The following APIP variants were observed in gnomAD, a reference collection of about 807,000 sequenced individuals.
APIP encodes APAF1 interacting protein.
Under a neutral mutation model 32.0 loss-of-function variants are expected in APIP, and 32 were observed. The ratio of observed to expected loss-of-function variants is 1.00; its 90% CI spans 0.76 to 1.34. APIP has a LOEUF of 1.34. APIP is among the 40% of genes most tolerant of loss of function. The pLI is 0.00. For missense variants in APIP, 247 were observed against 298.6 expected (o/e 0.83, Z 1.27); for synonymous variants, 92 against 94.8 (o/e 0.97, Z 0.17).
chr11:34,890,420 T>G (rs2303958), intron 3 of APIP, 84 bp downstream of exon 3: 482,735 of 1,305,040 alleles, frequency 0.37, 93,541 homozygotes, highest in East Asian at 0.73. Flanking sequence ...ATAAAATGAA[T>G]GTTTTCTCTT....
chr11:34,894,798 G>A (rs2986427), intron 2 of APIP, among the ~76,000 whole-genome samples: 54,146 of 152,042 alleles, frequency 0.36, 10,228 homozygotes, highest in East Asian at 0.74. Context: ...TTGAAATTGT[G>A]GATCTTCAGT....
intron 1 of APIP, among the ~76,000 whole-genome samples, chr11:34,897,997 T>C (rs1853306082): frequency 1.3e-5 from 2 of 152,084 alleles, no homozygotes; most frequent in Non-Finnish European, 2.9e-5. Flanking sequence ...GGAGCTTCTT[T>C]CTTCTTTCTT....
chr11:34,891,997 C>T (rs920637482), intron 2 of APIP, among the ~76,000 whole-genome samples: 1 of 152,166 alleles, frequency 6.6e-6, no homozygotes, highest in Middle Eastern at 3.4e-3. Context: ...AAATAAAGTA[C>T]AAAATGGTCT....
Position 34,894,936 on chromosome 11 carries a change from G to GA in APIP, c.158+73dup, listed in dbSNP as rs1853242549. ...AAAACTGATCATCAGTTGTTCTTTGGATATAACACATTAGACTTGCTGTGG... is the reference window on the plus strand; with the variant it reads ...AAAACTGATCATCAGTTGTTCTTTGGAATATAACACATTAGACTTGCTGTGG... On this transcript the variant is annotated intron_variant, in intron 2 of 6. Transcript: ENST00000395787. 5 of 1,283,144 alleles carry GA rather than the reference G, an allele frequency of 3.9e-6. No individual in the cohort carries two copies. In the South Asian group the frequency reaches 6.0e-5, roughly 15 times the overall value. The allele number at this position is 1,283,144 out of a possible 1,614,324, so 79.5% of individuals were successfully genotyped here. A position where few individuals can be genotyped will look rare whatever the true frequency, so the allele number is the denominator to read the frequency against.
chr11:34,885,304 T>C (rs1385400140), intron 5 of APIP, among the ~76,000 whole-genome samples: 1 of 150,452 alleles, frequency 6.6e-6, no homozygotes, highest in East Asian at 1.9e-4. Flanking sequence ...GGTATATATA[T>C]ACACATATAT....
chr11:34,904,525 T>C (rs1207267045), intron 1 of APIP, among the ~76,000 whole-genome samples: 1 of 152,216 alleles, frequency 6.6e-6, no homozygotes, highest in East Asian at 1.9e-4. Flanking sequence ...ACAGATGGCC[T>C]TTTCTTACCA....
At position 34,883,441 on chromosome 11, in the gene APIP, A is replaced by G. The variant is rs778697074; in HGVS notation, c.525T>C (p.Asp175=). 9 of 1,613,920 alleles carry G rather than the reference A, an allele frequency of 5.6e-6. No individual in the cohort carries two copies. The African/African-American group carries it at 8.0e-5, about 14-fold the overall frequency. Residue 175 remains aspartate (D), a synonymous_variant, in exon 6 of 7, where the codon GAT becomes GAC. Transcript: ENST00000395787. ...ENTPEEKDLK[D]RMAHAMNEYP... ...ATTCATTCATTGCATGAGCCATTCTATCTTTGAGGTCTTTCTCCTCAGGTG... is the reference window on the plus strand; with the variant it reads ...ATTCATTCATTGCATGAGCCATTCTGTCTTTGAGGTCTTTCTCCTCAGGTG...
intron 5 of APIP, among the ~76,000 whole-genome samples, chr11:34,885,458 CAA>C (rs1853051038): frequency 6.6e-6 from 1 of 151,982 alleles, no homozygotes; most frequent in Admixed American, 6.6e-5. Context: ...AAGATAAAAA[CAA>C]GAGAGTACGT....
chr11:34,914,885 T>A (rs1022772965), intron 1 of APIP, among the ~76,000 whole-genome samples: 2 of 150,522 alleles, frequency 1.3e-5, no homozygotes, highest in African/African-American at 4.9e-5. Flanking sequence ...GCGCCTGTAA[T>A]CCCAGCTACT....
chr11:34,888,945 C>T, intron 3 of APIP, 76 bp from the exon 4 acceptor site: 1 of 818,594 alleles, frequency 1.2e-6, no homozygotes, highest in Non-Finnish European at 1.8e-6. Flanking sequence ...TTCTTGTGTA[C>T]ATATACATAA....
chr11:34,897,454 T>G (rs1191635181), intron 1 of APIP, among the ~76,000 whole-genome samples: 2 of 152,192 alleles, frequency 1.3e-5, no homozygotes, highest in Non-Finnish European at 2.9e-5. Context: ...GAGCTGAAAA[T>G]TCTTGAATTA....
intron 5 of APIP, among the ~76,000 whole-genome samples, chr11:34,884,103 G>A (rs1039865184): frequency 1.3e-5 from 2 of 152,080 alleles, no homozygotes; most frequent in Admixed American, 6.6e-5. Context: ...GTCCTCTCAG[G>A]AAATACATGT....
chr11:34,906,261 T>C (rs1174961978), intron 1 of APIP, among the ~76,000 whole-genome samples: 1 of 152,194 alleles, frequency 6.6e-6, no homozygotes, highest in African/African-American at 2.4e-5. Context: ...TTATTATTTT[T>C]AAATTCTACC....
At chr11:34,897,714 T>C (rs1460682042) in intron 1 of APIP, among the ~76,000 whole-genome samples, 1 of 152,174 alleles carries the variant, frequency 6.6e-6, no homozygotes, top group Non-Finnish European at 1.5e-5. Context: ...CACCCTCTTC[T>C]TGTCACCATG....
intron 1 of APIP, among the ~76,000 whole-genome samples, chr11:34,914,719 C>G (rs377719318): frequency 4.5e-4 from 68 of 152,192 alleles, no homozygotes; most frequent in African/African-American, 1.4e-3. Context: ...GAAATGTTGG[C>G]TTGGCAGGGC....
At chr11:34,907,219 T>C (rs1362216194) in intron 1 of APIP, among the ~76,000 whole-genome samples, 2 of 152,232 alleles carry the variant, frequency 1.3e-5, no homozygotes, top group Non-Finnish European at 2.9e-5. Context: ...AAATTACCTA[T>C]GCCTGTATAA....
At chr11:34,911,448 G>A (rs370437063) in intron 1 of APIP, among the ~76,000 whole-genome samples, 7 of 150,866 alleles carry the variant, frequency 4.6e-5, no homozygotes, top group East Asian at 3.9e-4. Context: ...CTCAATAAAC[G>A]TTGGTTGCAT....
Position 34,895,060 on chromosome 11 carries a change from G to A in APIP, c.108C>T (p.Tyr36=). The A allele has an allele frequency of 6.2e-7, 1 of 1,614,086 alleles. No individual in the cohort carries two copies. The highest frequency in any genetic ancestry group is 8.5e-7 in the Non-Finnish European group (1 of 1,180,004). ...YLIPELCKQF[Y]HLGWVTGTGG... ...CAGTCCCAGTGACCCAGCCTAAATG[G>A]TAAAACTGTTTGCAAAGTTCTGGGA... The change falls in exon 2 of 7, where the codon TAC becomes TAT. Residue 36 remains tyrosine, a synonymous_variant. Transcript: ENST00000395787.
At position 34,895,032 on chromosome 11, in the gene APIP, C is replaced by T; in HGVS notation, c.136G>A (p.Gly46Arg). The T allele has an allele frequency of 1.2e-6, 2 of 1,614,092 alleles. No homozygotes were observed. Among genetic ancestry groups the T allele is most frequent in the Non-Finnish European group, 1.7e-6 (2 of 1,179,960 alleles). Residue 46 changes from glycine to arginine, a missense_variant, in exon 2 of 7, where the codon GGA becomes AGA. Physicochemically the swap from Gly to Arg is moderately radical, Grantham distance 125. Coordinates refer to ENST00000395787, the MANE Select transcript of APIP (RefSeq NM_015957.4). ...TACCCATGCTTCAAGCTAATTCCTCCTCCAGTCCCAGTGACCCAGCCTAAA... is the reference window on the plus strand; with the variant it reads ...TACCCATGCTTCAAGCTAATTCCTCTTCCAGTCCCAGTGACCCAGCCTAAA... ...YHLGWVTGTGGGISLKHGDEI... is the reference protein window; with the variant it reads ...YHLGWVTGTGRGISLKHGDEI...
Sources: gnomAD v4.1 joint callset for allele counts (sites outside exome capture counted in the v4.1 genomes callset) on GRCh38, gnomAD v4.1.1 for gene constraint, MANE v1.5 for transcripts, NCBI Gene and HGNC (gene_info 2026-07-23, HGNC 2026-07-21) for gene names.